PTPRD: variants seen among roughly 807,000 people sequenced by gnomAD.
PTPRD encodes the protein receptor-type tyrosine-protein phosphatase delta.
A neutral mutation model predicts 214.5 loss-of-function variants in PTPRD; 34 were observed. That is an observed-to-expected ratio of 0.16 (90% CI 0.12 to 0.21). The LOEUF (loss-of-function observed/expected upper bound fraction) is 0.21, where lower values mean the gene tolerates loss of function less well. Ranked by LOEUF, PTPRD falls within the 10% of genes least tolerant of loss-of-function variation. PTPRD has a pLI of 1.00. For missense variants in PTPRD, 2,545 were observed against 2,398.7 expected (o/e 1.06, Z -1.27); for synonymous variants, 1,128 against 845.7 (o/e 1.33, Z -5.79).
rs181889694 is a variant in PTPRD, at chr9:8,701,746, A to G, written c.64+32034T>C. 4.4e-3 allele frequency among the ~76,000 whole-genome samples: 675 copies of G among 152,330 alleles called. 7 individuals are homozygous for G. The highest frequency in any genetic ancestry group is 5.6e-3 in the Non-Finnish European group (380 of 68,022). On this transcript the variant is annotated intron_variant, in intron 12 of 45. Transcript: ENST00000381196. ...TCTTATGCAATGCATTCCCAGCCCC[A>G]AATTATTTTAATCTCCCTGAATACT...
intron 2 of PTPRD, among the ~76,000 whole-genome samples, chr9:10,413,053 A>T (rs2098453468): frequency 6.6e-6 from 1 of 151,984 alleles, no homozygotes; most frequent in South Asian, 2.1e-4. Flanking sequence ...AAACCAGGAC[A>T]AGACAAGGAT....
At chr9:9,851,219 T>C (rs572541246) in intron 5 of PTPRD, among the ~76,000 whole-genome samples, 1 of 152,348 alleles carries the variant, frequency 6.6e-6, no homozygotes, top group East Asian at 1.9e-4. Context: ...GAATTAGTAT[T>C]ACAGGCATTA....
chr9:10,042,076 G>A (rs2097305682), intron 3 of PTPRD, among the ~76,000 whole-genome samples: 1 of 152,050 alleles, frequency 6.6e-6, no homozygotes, highest in Non-Finnish European at 1.5e-5. Flanking sequence ...TGCCCCTGTG[G>A]GAACACAGCA....
intron 12 of PTPRD, among the ~76,000 whole-genome samples, chr9:8,641,524 T>C (rs1441045224): frequency 2.7e-5 from 4 of 148,422 alleles, no homozygotes; most frequent in Non-Finnish European, 5.9e-5. Context: ...TGCCAGGTAC[T>C]GCACAGGTCA....
At position 9,673,865 on chromosome 9, in the gene PTPRD, A is replaced by G. The variant is rs764918883; in HGVS notation, c.-287+60668T>C. On this transcript the variant is annotated intron_variant, in intron 7 of 45. Transcript: ENST00000381196. ...CCAAAAGATGTAACAATTAAACCCC[A>G]AAGACAATAATATATCATACTTAAA... is the stretch of plus-strand genomic sequence containing the variant. Among the ~76,000 whole-genome samples the G allele has an allele frequency of 4.0e-5, 6 of 151,886 alleles. No individual in the cohort carries two copies. In the South Asian group the frequency reaches 8.3e-4, roughly 21 times the overall value.
At chr9:9,110,995 G>A (rs1037073088) in intron 10 of PTPRD, among the ~76,000 whole-genome samples, 2 of 151,908 alleles carry the variant, frequency 1.3e-5, no homozygotes, top group African/African-American at 2.4e-5. Flanking sequence ...AAGCTTTACC[G>A]ATCTCTGTGA....
At chr9:9,415,352 T>C (rs1045336450) in intron 8 of PTPRD, among the ~76,000 whole-genome samples, 4 of 152,110 alleles carry the variant, frequency 2.6e-5, no homozygotes, top group African/African-American at 9.7e-5. Context: ...CATGTGTCTG[T>C]AATCCCAGCT....
At chr9:8,675,319 A>G (rs1447969892) in intron 12 of PTPRD, among the ~76,000 whole-genome samples, 1 of 152,036 alleles carries the variant, frequency 6.6e-6, no homozygotes, top group Non-Finnish European at 1.5e-5. Flanking sequence ...ATGGAAATAC[A>G]AAGGTTTTAT....
intron 33 of PTPRD, chr9:8,451,965 G>C (rs2095974639): frequency 4.8e-6 from 2 of 416,960 alleles, no homozygotes; most frequent in South Asian, 3.7e-5. Context: ...CTGAGCTGGA[G>C]GGTAGAAAAG....
At chr9:8,523,276 C>A (rs2097926273) in intron 19 of PTPRD, among the ~76,000 whole-genome samples, 1 of 151,994 alleles carries the variant, frequency 6.6e-6, no homozygotes, top group Non-Finnish European at 1.5e-5. Flanking sequence ...GTTCACTGGA[C>A]CTTACAGAGT....
At chr9:8,555,874 A>G (rs2083583206) in intron 14 of PTPRD, among the ~76,000 whole-genome samples, 2 of 152,216 alleles carry the variant, frequency 1.3e-5, no homozygotes, top group Non-Finnish European at 2.9e-5. Flanking sequence ...ACCACGGGTC[A>G]AGGTCCATCT....
At chr9:8,772,292 C>T (rs1177940813) in intron 11 of PTPRD, among the ~76,000 whole-genome samples, 1 of 151,994 alleles carries the variant, frequency 6.6e-6, no homozygotes, top group African/African-American at 2.4e-5. Flanking sequence ...CTAATTTTCA[C>T]CTCAGACAGT....
chr9:9,452,127 T>G (rs1266016676), intron 8 of PTPRD, among the ~76,000 whole-genome samples: 1 of 151,398 alleles, frequency 6.6e-6, no homozygotes, highest in Non-Finnish European at 1.5e-5. Flanking sequence ...ATAAAAAAGC[T>G]GAATGCCAAA....
intron 8 of PTPRD, among the ~76,000 whole-genome samples, chr9:9,402,989 ACAC>A (rs370751489): frequency 0.032 from 3,883 of 119,870 alleles, 52 homozygotes; most frequent in Middle Eastern, 0.039. Context: ...AAAAAAAAAA[ACAC>A]CAAAAAAAAA....
chr9:10,574,830 A>ATC (rs1555548827), intron 2 of PTPRD, among the ~76,000 whole-genome samples: 384 of 149,120 alleles, frequency 2.6e-3, no homozygotes, highest in African/African-American at 3.6e-3. Flanking sequence ...ATATATATAT[A>ATC]TATCTTAGAT....
At chr9:10,002,009 G>C (rs1392350231) in intron 4 of PTPRD, among the ~76,000 whole-genome samples, 9 of 151,860 alleles carry the variant, frequency 5.9e-5, no homozygotes, top group African/African-American at 2.2e-4. Flanking sequence ...AATTTTTATA[G>C]CAATGTTAAT....
chr9:10,207,183 C>T lies in PTPRD; in HGVS notation c.-545+133780G>A, dbSNP rs140163639. ...ACAAAGACCACTTCTTTTCCTCACTCCATAAGAAATTACACATCTAATTTT... is the reference window on the plus strand; with the variant it reads ...ACAAAGACCACTTCTTTTCCTCACTTCATAAGAAATTACACATCTAATTTT... On this transcript the variant is annotated intron_variant, in intron 3 of 45. Coordinates refer to ENST00000381196, the MANE Select transcript of PTPRD (RefSeq NM_002839.4). 1.2e-3 allele frequency among the ~76,000 whole-genome samples: 185 copies of T among 152,232 alleles called. 3 individuals are homozygous for T. The South Asian group carries it at 0.036, about 29-fold the overall frequency.
intron 4 of PTPRD, among the ~76,000 whole-genome samples, chr9:10,005,342 G>C (rs2096451159): frequency 6.6e-6 from 1 of 152,084 alleles, no homozygotes; most frequent in African/African-American, 2.4e-5. Context: ...GAGGCCAACA[G>C]ATAAGACCAA....
chr9:10,582,177 C>T (rs2072115538), intron 2 of PTPRD, among the ~76,000 whole-genome samples: 1 of 152,120 alleles, frequency 6.6e-6, no homozygotes, highest in Admixed American at 6.6e-5. Context: ...GCTCAAGGTG[C>T]CCCTGGATTA....
Sources: gnomAD v4.1 joint callset for allele counts (sites outside exome capture counted in the v4.1 genomes callset) on GRCh38, gnomAD v4.1.1 for gene constraint, MANE v1.5 for transcripts, NCBI Gene and HGNC (gene_info 2026-07-23, HGNC 2026-07-21) for gene names.